Variants in NEGR1 observed in about 807,000 individuals in gnomAD.
NEGR1 encodes the protein neuronal growth regulator 1.
NEGR1 carries 10 observed loss-of-function variants against 40.9 expected under a neutral mutation model. That is an observed-to-expected ratio of 0.24 (90% CI 0.15 to 0.42). NEGR1 has a LOEUF of 0.42. Ranked by LOEUF, NEGR1 falls within the 10% of genes least tolerant of loss-of-function variation. The pLI is 1.00. For synonymous variants in NEGR1, 185 were observed against 166.8 expected (o/e 1.11, Z -0.84); for missense variants, 352 against 438.9 (o/e 0.80, Z 1.77).
chr1:71,477,595 T>C (rs1049235610), intron 6 of NEGR1: 1 of 152,294 alleles, frequency 6.6e-6, no homozygotes, highest in Non-Finnish European at 1.5e-5. Context: ...TACTTAGTCA[T>C]GTGTACTGAA....
intron 1 of NEGR1, among the ~76,000 whole-genome samples, chr1:72,107,446 G>T (rs1649181274): frequency 6.6e-6 from 1 of 151,374 alleles, no homozygotes; most frequent in South Asian, 2.1e-4. Context: ...TTTAAAATAT[G>T]CTAAACACTT....
intron 6 of NEGR1, among the ~76,000 whole-genome samples, chr1:71,555,343 A>G (rs1203908929): frequency 6.6e-6 from 1 of 151,568 alleles, no homozygotes; most frequent in Admixed American, 6.6e-5. Context: ...GTGTTGGGAG[A>G]GAGGACTGGG....
chr1:71,790,978 G>A (rs1477487335), intron 2 of NEGR1, among the ~76,000 whole-genome samples: 3 of 151,998 alleles, frequency 2.0e-5, no homozygotes, highest in Non-Finnish European at 4.4e-5. Context: ...GACAACTGGG[G>A]AAGAGGAGGA....
chr1:71,648,514 C>T (rs1301749161), intron 4 of NEGR1, among the ~76,000 whole-genome samples: 2 of 152,036 alleles, frequency 1.3e-5, no homozygotes, highest in African/African-American at 2.4e-5. Flanking sequence ...ATGTTTCCAT[C>T]TTGTAAAACT....
intron 4 of NEGR1, among the ~76,000 whole-genome samples, chr1:71,614,168 A>AT (rs75809205): frequency 0.41 from 62,675 of 151,708 alleles, 13,098 homozygotes; most frequent in East Asian, 0.64. Flanking sequence ...TTGGTGAAAA[A>AT]AATGAAATAA....
At chr1:72,148,660 C>A (rs547743965) in intron 1 of NEGR1, among the ~76,000 whole-genome samples, 3 of 152,258 alleles carry the variant, frequency 2.0e-5, no homozygotes, top group Middle Eastern at 3.4e-3. Flanking sequence ...TTAGAAATTT[C>A]TTCCGCCAGA....
At chr1:71,730,909 TG>T in intron 3 of NEGR1, among the ~76,000 whole-genome samples, 1 of 151,266 alleles carries the variant, frequency 6.6e-6, no homozygotes, top group East Asian at 1.9e-4. Context: ...TGTGTGTGTG[TG>T]TGTGTGTGTG....
chr1:71,690,848 C>T (rs1653254036), intron 4 of NEGR1, among the ~76,000 whole-genome samples: 1 of 151,800 alleles, frequency 6.6e-6, no homozygotes, highest in Admixed American at 6.6e-5. Flanking sequence ...GTGATGATTG[C>T]CAACCTAAAA....
intron 6 of NEGR1, among the ~76,000 whole-genome samples, chr1:71,433,587 G>A (rs1004197087): frequency 2.6e-5 from 4 of 152,180 alleles, no homozygotes; most frequent in Middle Eastern, 3.2e-3. Flanking sequence ...ACATGGCAGC[G>A]GCAAGAGAAA....
intron 4 of NEGR1, among the ~76,000 whole-genome samples, chr1:71,674,021 G>C (rs559714754): frequency 6.6e-6 from 1 of 151,918 alleles, no homozygotes; most frequent in Non-Finnish European, 1.5e-5. Flanking sequence ...GGTATTTAAC[G>C]TGAAAAATAA....
chr1:71,640,104 A>G (rs748616676), intron 4 of NEGR1, among the ~76,000 whole-genome samples: 21 of 152,070 alleles, frequency 1.4e-4, no homozygotes, highest in Non-Finnish European at 7.4e-5. Flanking sequence ...AGAACTAGTA[A>G]TATTTGCAAT....
chr1:71,500,344 C>T (rs1327706036), intron 6 of NEGR1, among the ~76,000 whole-genome samples: 1 of 151,882 alleles, frequency 6.6e-6, no homozygotes, highest in Non-Finnish European at 1.5e-5. Context: ...TGACAATAAT[C>T]ACTTTCTTTA....
intron 6 of NEGR1, among the ~76,000 whole-genome samples, chr1:71,454,426 A>G (rs1453492300): frequency 6.6e-6 from 1 of 151,986 alleles, no homozygotes; most frequent in Non-Finnish European, 1.5e-5. Flanking sequence ...TATCAAAGCA[A>G]TTACCTCTAC....
chr1:71,649,207 T>C (rs1651628372), intron 4 of NEGR1, among the ~76,000 whole-genome samples: 2 of 152,082 alleles, frequency 1.3e-5, no homozygotes, highest in South Asian at 2.1e-4. Context: ...GCAGTACTAG[T>C]TGTATGTGCA....
chr1:71,473,250 A>G (rs1646794061), intron 6 of NEGR1, among the ~76,000 whole-genome samples: 2 of 152,160 alleles, frequency 1.3e-5, no homozygotes, highest in Admixed American at 6.6e-5. Flanking sequence ...ATAACATTGT[A>G]ATGAACTTGC....
chr1:71,708,485 G>A (rs1014207786), intron 3 of NEGR1, among the ~76,000 whole-genome samples: 2 of 151,930 alleles, frequency 1.3e-5, no homozygotes, highest in Non-Finnish European at 2.9e-5. Flanking sequence ...ATTCTTCACA[G>A]AAATAGAAAA....
intron 2 of NEGR1, among the ~76,000 whole-genome samples, chr1:71,881,112 C>CA (rs1317827777): frequency 3.9e-5 from 6 of 152,014 alleles, no homozygotes; most frequent in African/African-American, 1.4e-4. Context: ...TGTGTTCAGT[C>CA]AAAATCCTTC....
At chr1:72,128,455 A>C (rs1650113781) in intron 1 of NEGR1, among the ~76,000 whole-genome samples, 1 of 152,186 alleles carries the variant, frequency 6.6e-6, no homozygotes, top group Non-Finnish European at 1.5e-5. Context: ...GCTATCTAAC[A>C]GTAATAATTT....
intron 1 of NEGR1, among the ~76,000 whole-genome samples, chr1:72,240,155 A>C (rs1654686385): frequency 6.6e-6 from 1 of 151,918 alleles, no homozygotes; most frequent in South Asian, 2.1e-4. Flanking sequence ...TGCTTAAAAA[A>C]TGTTTATGGG....
Sources: allele counts gnomAD v4.1 joint callset (sites outside exome capture counted in the v4.1 genomes callset), GRCh38; gene constraint gnomAD v4.1.1; transcripts MANE v1.5; gene names NCBI Gene and HGNC (gene_info 2026-07-23, HGNC 2026-07-21).